STAG1: variants seen among roughly 807,000 people sequenced by gnomAD.
STAG1 encodes STAG1 cohesin complex component, also known as cohesin subunit SA-1.
Under a neutral mutation model 170.9 loss-of-function variants are expected in STAG1, and 26 were observed. The ratio of observed to expected loss-of-function variants is 0.15; its 90% CI spans 0.11 to 0.21. The LOEUF (loss-of-function observed/expected upper bound fraction) is 0.21. STAG1 is among the 10% of genes least tolerant of loss of function. The pLI is 1.00. For missense variants in STAG1, 964 were observed against 1,509.5 expected (o/e 0.64, Z 5.99); for synonymous variants, 514 against 497.7 (o/e 1.03, Z -0.44).
chr3:136,714,115 C>T (rs905783116), intron 1 of STAG1, among the ~76,000 whole-genome samples: 1 of 151,840 alleles, frequency 6.6e-6, no homozygotes, highest in South Asian at 2.1e-4. Flanking sequence ...GAGGTGGAGG[C>T]TGCCCAGAGC....
chr3:136,749,038 G>A (rs1377923174), intron 1 of STAG1, among the ~76,000 whole-genome samples: 2 of 152,134 alleles, frequency 1.3e-5, no homozygotes, highest in Non-Finnish European at 2.9e-5. Context: ...CTTTTCCTAC[G>A]GCAGGCAAAA....
In STAG1 at chr3:136,627,395, ATC is replaced by A. The variant is rs1210537189; in HGVS notation, c.29+3473_29+3474del. The stretch of plus-strand genomic sequence containing the variant: ...CTGCCATAAATATTTAGGCTTTTGC[ATC>A]TCTCTGTCTCTCTCTCTCAAAATAT... On this transcript the variant is annotated intron_variant, in intron 2 of 33. Transcript: ENST00000383202. 2.6e-5 allele frequency among the ~76,000 whole-genome samples: 4 copies of A among 152,304 alleles called. No individual in the cohort carries two copies. The East Asian group carries it at 7.7e-4, about 29-fold the overall frequency.
intron 6 of STAG1, among the ~76,000 whole-genome samples, chr3:136,523,935 C>T (rs927864711): frequency 1.0e-4 from 15 of 150,646 alleles, no homozygotes; most frequent in African/African-American, 2.7e-4. Context: ...GAGGGCTCTG[C>T]TCTGTTCCAT....
At chr3:136,578,330 C>T (rs1403573436) in intron 4 of STAG1, among the ~76,000 whole-genome samples, 1 of 152,166 alleles carries the variant, frequency 6.6e-6, no homozygotes, top group African/African-American at 2.4e-5. Flanking sequence ...CTGCAGAGAT[C>T]TTGGGCAGTA....
rs1290101456 is a variant in STAG1 at position 136,398,732 on chromosome 3, C to G, written c.2277+17G>C. 1 of 1,560,166 alleles carries G rather than the reference C, an allele frequency of 6.4e-7. No homozygotes were observed. The highest frequency in any genetic ancestry group is 8.7e-7 in the Non-Finnish European group (1 of 1,143,350). ...ATTTCAGTAATAACCCTTCTGCCTA[C>G]AGAAACTCTTACTTACTTTGGAAGG... On this transcript the variant is annotated intron_variant, in intron 22 of 33. Coordinates refer to ENST00000383202, the MANE Select transcript of STAG1 (RefSeq NM_005862.3).
At chr3:136,593,146 A>G (rs542887475) in intron 4 of STAG1, among the ~76,000 whole-genome samples, 5 of 152,294 alleles carry the variant, frequency 3.3e-5, no homozygotes, top group South Asian at 4.1e-4. Context: ...TATGCTCACT[A>G]AAGTTCACCA....
intron 3 of STAG1, among the ~76,000 whole-genome samples, chr3:136,614,411 C>T (rs956966005): frequency 1.3e-5 from 2 of 151,932 alleles, no homozygotes; most frequent in African/African-American, 2.4e-5. Flanking sequence ...GCAGGTAATT[C>T]AAGGGACATA....
At position 136,668,272 on chromosome 3, in the gene STAG1, AAT is replaced by A. The variant is rs879858462; in HGVS notation, c.-83-37293_-83-37292del. Among the ~76,000 whole-genome samples the A allele has an allele frequency of 3.4e-5, 5 of 147,136 alleles. No homozygotes were observed. The East Asian group carries it at 5.9e-4, about 17-fold the overall frequency. On this transcript the variant is annotated intron_variant, in intron 1 of 33. Transcript: ENST00000383202. The stretch of plus-strand genomic sequence containing the variant: ...ATAAAACACATTATATATTATACAT[AAT>A]ATATATTATACATGATATATAATAT...
chr3:136,732,790 A>G (rs1217430758), intron 1 of STAG1, among the ~76,000 whole-genome samples: 1 of 151,578 alleles, frequency 6.6e-6, no homozygotes, highest in African/African-American at 2.4e-5. Flanking sequence ...TTGTATTTTC[A>G]GTAAAGACGG....
Position 136,338,148 on chromosome 3 carries a change from C to A in STAG1, c.*106G>T. Reference sequence around the variant, plus strand: ...TGACCTTAATCATTTGATTAAAAAACAAATCAGATCACATCAAAAGTGTTT... The same window carrying A: ...TGACCTTAATCATTTGATTAAAAAAAAAATCAGATCACATCAAAAGTGTTT... On this transcript the variant is annotated 3_prime_UTR_variant, in exon 34 of 34. Transcript: ENST00000383202. 1 of 751,098 alleles carries A rather than the reference C, an allele frequency of 1.3e-6. No individual in the cohort carries two copies. Among genetic ancestry groups the A allele is most frequent in the Non-Finnish European group, 2.3e-6 (1 of 441,386 alleles). The allele number at this position is 751,098 out of a possible 1,614,324, so 46.5% of individuals were successfully genotyped here. A position where few individuals can be genotyped will look rare whatever the true frequency, so the allele number is the denominator to read the frequency against.
rs992995425 is a variant in STAG1 at position 136,591,508 on chromosome 3, G to A, written c.297+12801C>T. 3.2e-5 allele frequency: 13 copies of A among 411,558 alleles called. No individual in the cohort carries two copies. The Admixed American group carries it at 3.5e-4, about 11-fold the overall frequency. The allele number at this position is 411,558 out of a possible 1,614,324, so 25.5% of individuals were successfully genotyped here. The stretch of plus-strand genomic sequence containing the variant: ...GATCACTTGGGCCCAGAAGTTCGAG[G>A]TCAGCCTGGACAACACTGACCTATT... On this transcript the variant is annotated intron_variant, in intron 4 of 33. Coordinates refer to ENST00000383202, the MANE Select transcript of STAG1 (RefSeq NM_005862.3).
At chr3:136,747,897 C>A (rs189316697) in intron 1 of STAG1, among the ~76,000 whole-genome samples, 2 of 151,190 alleles carry the variant, frequency 1.3e-5, no homozygotes, top group African/African-American at 4.8e-5. Context: ...CTGCCTCAGC[C>A]TCCCCGGTAG....
chr3:136,736,647 T>C (rs1322296520), intron 1 of STAG1: 20 of 1,603,910 alleles, frequency 1.2e-5, no homozygotes, highest in Admixed American at 5.0e-5. Flanking sequence ...TCTTTCCCGT[T>C]TGGCTTTTTC....
chr3:136,385,017 A>G (rs1460565489), intron 22 of STAG1, among the ~76,000 whole-genome samples: 1 of 152,200 alleles, frequency 6.6e-6, no homozygotes, highest in Non-Finnish European at 1.5e-5. Context: ...GTGAATACAG[A>G]AGAGTAATCT....
intron 9 of STAG1, among the ~76,000 whole-genome samples, chr3:136,494,964 G>A (rs1933001630): frequency 6.6e-6 from 1 of 152,086 alleles, no homozygotes; most frequent in Non-Finnish European, 1.5e-5. Flanking sequence ...AAATTGACAA[G>A]CTGACCCTAA....
chr3:136,567,066 A>C (rs1257790690), intron 5 of STAG1, among the ~76,000 whole-genome samples: 1 of 152,226 alleles, frequency 6.6e-6, no homozygotes, highest in African/African-American at 2.4e-5. Context: ...AAGAGCAGTT[A>C]ACTATGTGTA....
chr3:136,389,236 T>G (rs1339098633), intron 22 of STAG1, among the ~76,000 whole-genome samples: 2 of 152,244 alleles, frequency 1.3e-5, no homozygotes, highest in African/African-American at 4.8e-5. Context: ...AACTGTCTCT[T>G]AATAAGTAAA....
chr3:136,616,862 T>A (rs1939622984), intron 3 of STAG1, among the ~76,000 whole-genome samples: 1 of 152,092 alleles, frequency 6.6e-6, no homozygotes, highest in Non-Finnish European at 1.5e-5. Context: ...CCACCTTTAT[T>A]CACAAATAAT....
At chr3:136,380,356 C>T (rs542379953) in intron 22 of STAG1, among the ~76,000 whole-genome samples, 1 of 152,146 alleles carries the variant, frequency 6.6e-6, no homozygotes, top group South Asian at 2.1e-4. Context: ...ATTCTGCTGC[C>T]TCAGCCTCCT....
Sources: gnomAD v4.1 joint callset for allele counts (sites outside exome capture counted in the v4.1 genomes callset) on GRCh38, gnomAD v4.1.1 for gene constraint, MANE v1.5 for transcripts, NCBI Gene and HGNC (gene_info 2026-07-23, HGNC 2026-07-21) for gene names.